Variants in PRSS23 observed in about 807,000 individuals in gnomAD.
PRSS23 encodes serine protease 23, also known as protease, serine 23.
In PRSS23, 25 loss-of-function variants were observed where a neutral mutation model predicts 34.7. The ratio of observed to expected loss-of-function variants is 0.72; its 90% confidence interval spans 0.53 to 1.01. The LOEUF is 1.01. PRSS23 is among the 50% of genes least tolerant of loss of function. The pLI is 0.00. For missense variants in PRSS23, 445 were observed against 475.6 expected (o/e 0.94, Z 0.60); for synonymous variants, 176 against 186.6 (o/e 0.94, Z 0.46).
chr11:86,824,864 T>G (rs149736979), intron 2 of PRSS23, among the ~76,000 whole-genome samples: 3,461 of 152,270 alleles, frequency 0.023, 145 homozygotes, highest in African/African-American at 0.078. Flanking sequence ...CACATTTTCT[T>G]AATCTAGTCT....
Position 86,807,782 on chromosome 11 carries a change from A to G in PRSS23, c.139A>G (p.Asn47Asp), listed in dbSNP as rs767677403. ...LPVVLPQSTL[N>D]LAKPDFGAEA... is the part of the protein sequence containing the mutation. ...TGTCGTCTTGCCCCAGTCTACCCTC[A>G]ATTTAGCCAAGCCAGACTTTGGAGC... Residue 47 changes from asparagine to aspartate, a missense_variant, in exon 2 of 2, where the codon AAT becomes GAT. Physicochemically the swap from Asn to Asp is conservative, Grantham distance 23. Transcript: ENST00000280258. The G allele has an allele frequency of 1.9e-6, 3 of 1,614,052 alleles. No homozygotes were observed. In the Admixed American group the frequency reaches 5.0e-5, roughly 27 times the overall value.
chr11:86,797,665 T>C (rs1477359128), upstream of PRSS23, among the ~76,000 whole-genome samples: 1 of 152,144 alleles, frequency 6.6e-6, no homozygotes, highest in Non-Finnish European at 1.5e-5. Context: ...AGGAAAAAAA[T>C]GAGCAATGAA....
intron 2 of PRSS23, among the ~76,000 whole-genome samples, chr11:86,913,576 T>C (rs746176852): frequency 6.6e-6 from 1 of 151,482 alleles, no homozygotes; most frequent in Admixed American, 6.6e-5. Flanking sequence ...AGTCAGGATA[T>C]ATAGCAGCCA....
intron 2 of PRSS23, among the ~76,000 whole-genome samples, chr11:86,895,477 C>CTTTTTTTTTTTTTT (rs71040269): frequency 3.0e-4 from 26 of 86,620 alleles, no homozygotes; most frequent in Non-Finnish European, 4.3e-4. Context: ...TTATTTTATC[C>CTTTTTTTTTTTTTT]TTTTTTTTTT....
chr11:86,899,384 C>A (rs541110303), intron 2 of PRSS23, among the ~76,000 whole-genome samples: 1 of 152,216 alleles, frequency 6.6e-6, no homozygotes, highest in East Asian at 1.9e-4. Flanking sequence ...CCAGGTATGG[C>A]AGCTCGCACC....
At position 86,808,292 on chromosome 11, in the gene PRSS23, A is replaced by G. The variant is rs1252136008; in HGVS notation, c.649A>G (p.Met217Val). 1.2e-6 allele frequency: 2 copies of G among 1,614,144 alleles called. No homozygotes were observed. The highest frequency in any genetic ancestry group is 8.5e-7 in the Non-Finnish European group (1 of 1,180,032). The change falls in exon 2 of 2, where the codon ATG (methionine) becomes GTG (valine). Residue 217 changes from methionine (M) to valine (V), a missense_variant. Coordinates refer to ENST00000280258, the MANE Select transcript of PRSS23 (RefSeq NM_007173.6). ...NDSTSAMPEQ[M>V]KFQWIRVKRT... ...CTCCACTTCAGCCATGCCCGAGCAG[A>G]TGAAATTTCAGTGGATCCGGGTGAA...
intron 2 of PRSS23, among the ~76,000 whole-genome samples, chr11:86,888,074 AAC>A (rs1329030367): frequency 6.6e-6 from 1 of 151,254 alleles, no homozygotes; most frequent in African/African-American, 2.4e-5. Flanking sequence ...CAAAAACAAA[AAC>A]ACACACACAC....
chr11:86,808,017 G>T lies in PRSS23; in HGVS notation c.374G>T (p.Arg125Leu). 6.2e-7 allele frequency: 1 copy of T among 1,613,962 alleles called. No individual in the cohort carries two copies. The highest frequency in any genetic ancestry group is 8.5e-7 in the Non-Finnish European group (1 of 1,179,984). ...GACTCAGGGTCTTCAGGAAAGTCTC[G>T]AAGGAAGCGGCAGATTTATGGCTAT... ...HRDSGSSGKSRRKRQIYGYDS... is the reference protein window; with the variant it reads ...HRDSGSSGKSLRKRQIYGYDS... Residue 125 changes from arginine (R) to leucine (L), a missense_variant, in exon 2 of 2, where the codon CGA (arginine) becomes CTA (leucine). By Grantham distance (102) the Arg-to-Leu change is moderately radical (BLOSUM62 -2). Coordinates refer to ENST00000280258, the MANE Select transcript of PRSS23 (RefSeq NM_007173.6).
chr11:86,941,069 G>C (rs1321798668), intron 2 of PRSS23: 1 of 152,184 alleles, frequency 6.6e-6, no homozygotes, highest in Non-Finnish European at 1.5e-5. Flanking sequence ...AATTCTGGGG[G>C]TGGTTTTGAT....
At chr11:86,945,378 AG>A (rs1329365862) in intron 2 of PRSS23, among the ~76,000 whole-genome samples, 1 of 151,334 alleles carries the variant, frequency 6.6e-6, no homozygotes, top group Admixed American at 6.6e-5. Context: ...AAAAAAAAAA[AG>A]AGGTGTCATT....
intron 2 of PRSS23, chr11:86,832,573 G>C (rs1285079450): frequency 4.2e-6 from 2 of 474,576 alleles, no homozygotes; most frequent in African/African-American, 4.0e-5. Context: ...TGATGTCCCT[G>C]TTTCTCAGTC....
chr11:86,813,654 C>A (rs192311506), downstream of PRSS23, among the ~76,000 whole-genome samples: 997 of 151,362 alleles, frequency 6.6e-3, 2 homozygotes, highest in Non-Finnish European at 0.011. Context: ...ATTTTTAAGC[C>A]TAATAAAATG....
intron 2 of PRSS23, among the ~76,000 whole-genome samples, chr11:86,887,980 A>G (rs1265245673): frequency 1.3e-5 from 2 of 151,880 alleles, no homozygotes; most frequent in Non-Finnish European, 2.9e-5. Flanking sequence ...TGAATCTGGG[A>G]GGCAGAGGTT....
intron 2 of PRSS23, among the ~76,000 whole-genome samples, chr11:86,879,827 G>C (rs1485525379): frequency 3.0e-5 from 4 of 131,474 alleles, no homozygotes; most frequent in Admixed American, 7.5e-5. Context: ...AGGTGGGGGG[G>C]GTCAGCCCCC....
At chr11:86,910,622 T>A (rs1322218326) in intron 2 of PRSS23, 2 of 152,166 alleles carry the variant, frequency 1.3e-5, no homozygotes, top group South Asian at 2.1e-4. Context: ...TAATTTTTTT[T>A]AAATAAAAAA....
intron 2 of PRSS23, among the ~76,000 whole-genome samples, chr11:86,873,538 C>T (rs1048028849): frequency 1.3e-5 from 2 of 151,982 alleles, no homozygotes; most frequent in African/African-American, 4.8e-5. Flanking sequence ...CCACCTCAGC[C>T]TCCCAAAGTG....
intron 1 of PRSS23, among the ~76,000 whole-genome samples, chr11:86,816,266 C>T (rs970991382): frequency 6.6e-6 from 1 of 152,178 alleles, no homozygotes; most frequent in Non-Finnish European, 1.5e-5. Flanking sequence ...ACCTCGGTGC[C>T]AGTCACTGTG....
chr11:86,796,180 C>G (rs911226719), upstream of PRSS23, among the ~76,000 whole-genome samples: 3 of 152,124 alleles, frequency 2.0e-5, no homozygotes, highest in African/African-American at 7.2e-5. Flanking sequence ...GTCTGGGAAG[C>G]AATATAACAC....
intron 2 of PRSS23, chr11:86,934,474 C>T (rs1238139100): frequency 3.3e-5 from 5 of 152,172 alleles, no homozygotes; most frequent in African/African-American, 9.7e-5. Flanking sequence ...TCTTTCCTCC[C>T]TTCCTCTCAT....
Sources: allele counts gnomAD v4.1 joint callset (sites outside exome capture counted in the v4.1 genomes callset), GRCh38; gene constraint gnomAD v4.1.1; transcripts MANE v1.5; gene names NCBI Gene and HGNC (gene_info 2026-07-23, HGNC 2026-07-21).